DNTTIP2: variants seen among roughly 807,000 people sequenced by gnomAD.
DNTTIP2 encodes the protein deoxynucleotidyltransferase terminal interacting protein 2, also known as deoxynucleotidyltransferase terminal-interacting protein 2.
DNTTIP2 carries 47 observed loss-of-function variants against 62.4 expected under a neutral mutation model. The ratio of observed to expected loss-of-function variants is 0.75; its 90% confidence interval spans 0.60 to 0.96. The LOEUF (loss-of-function observed/expected upper bound fraction) is 0.96, where lower values mean the gene tolerates loss of function less well. DNTTIP2 is among the 40% of genes least tolerant of loss of function. The pLI, the probability that DNTTIP2 is intolerant of heterozygous loss-of-function variation, is 0.00. For missense variants in DNTTIP2, 870 were observed against 849.1 expected (o/e 1.02, Z -0.31); for synonymous variants, 322 against 300.9 (o/e 1.07, Z -0.73).
chr1:93,875,585 G>A (rs1474935804), intron 3 of DNTTIP2, 60 bp downstream of exon 3: 1 of 1,535,850 alleles, frequency 6.5e-7, no homozygotes, highest in Non-Finnish European at 8.7e-7. Context: ...TTTTACCAAG[G>A]ACTAATTTCT....
chr1:93,876,520 C>T lies in DNTTIP2; in HGVS notation c.1415G>A (p.Arg472Lys), dbSNP rs750587119. 1.4e-5 allele frequency: 22 copies of T among 1,613,968 alleles called. No individual in the cohort carries two copies. The East Asian group carries it at 4.7e-4, about 34-fold the overall frequency. Residue 472 changes from arginine (R) to lysine (K), a missense_variant, in exon 2 of 7, where the codon AGG (arginine) becomes AAG (lysine). Physicochemically the swap from Arg to Lys is conservative, Grantham distance 26. Coordinates refer to ENST00000436063, the MANE Select transcript of DNTTIP2 (RefSeq NM_014597.5). ...TLCFVENSGQ[R>K]ESLSGDTGSL... ...TCCTGTGTCTCCACTTAATGACTCC[C>T]TTTGGCCACTATTTTCAACAAAACA... is the stretch of plus-strand genomic sequence containing the variant.
chr1:93,873,187 C>G lies in DNTTIP2; in HGVS notation c.1834G>C (p.Asp612His). The G allele has an allele frequency of 6.2e-7, 1 of 1,610,472 alleles. No homozygotes were observed. The highest frequency in any genetic ancestry group is 8.5e-7 in the Non-Finnish European group (1 of 1,178,286). Residue 612 changes from aspartate (D) to histidine (H), a missense_variant, in exon 4 of 7, where the codon GAT becomes CAT. By Grantham distance (81) the Asp-to-His change is moderately conservative (BLOSUM62 -1). Transcript: ENST00000436063. ...ELLQKAVITP[D>H]FEKNHCVPPY... is the part of the protein sequence containing the mutation. ...GGAACACAGTGGTTTTTTTCAAAAT[C>G]AGGTGTAATGACGGCTTTCTGCAGA...
Position 93,879,154 on chromosome 1 carries a change from C to A in DNTTIP2, c.-6G>T. ...GCAGATCTGGTAACCACCATCTTTC[C>A]GGCTCCCTCGCGACCACCACGACTT... is the stretch of plus-strand genomic sequence containing the variant. On this transcript the variant is annotated 5_prime_UTR_variant, in exon 1 of 7. Coordinates refer to ENST00000436063, the MANE Select transcript of DNTTIP2 (RefSeq NM_014597.5). 1 of 1,612,118 alleles carries A rather than the reference C, an allele frequency of 6.2e-7. No individual in the cohort carries two copies. The highest frequency in any genetic ancestry group is 8.5e-7 in the Non-Finnish European group (1 of 1,179,444).
chr1:93,871,954 T>C, intron 5 of DNTTIP2, 118 bp downstream of exon 5: 1 of 1,140,162 alleles, frequency 8.8e-7, no homozygotes, highest in Non-Finnish European at 1.3e-6. Flanking sequence ...ATATGTTCCA[T>C]ACATTAGGCA....
In DNTTIP2 at chr1:93,866,319, G is replaced by A. The variant is rs558058167; in HGVS notation, c.*3532C>T. ...TTACATTTTAATTAGACAGATGCTT[G>A]GGGAATTGGTTAATTAGAAAGCCCT... On this transcript the variant is annotated 3_prime_UTR_variant, in exon 7 of 7. Transcript: ENST00000436063. 1.3e-5 allele frequency: 2 copies of A among 152,246 alleles called. No homozygotes were observed. Among genetic ancestry groups the A allele is most frequent in the East Asian group, 3.9e-4 (2 of 5,178 alleles). The allele number at this position is 152,246 out of a possible 1,614,324, so 9.4% of individuals were successfully genotyped here.
Position 93,877,666 on chromosome 1 carries a change from G to A in DNTTIP2, c.269C>T (p.Ala90Val). The change falls in exon 2 of 7, where the codon GCA becomes GTA. Residue 90 changes from alanine (A) to valine (V), a missense_variant. By Grantham distance (64) the Ala-to-Val change is moderately conservative. Transcript: ENST00000436063. Reference sequence around the variant, plus strand: ...CTCAGACACAGAATAATTTGACTCTGCCTCAGAGGTTTCTCCATCCGTAGA... The same window carrying A: ...CTCAGACACAGAATAATTTGACTCTACCTCAGAGGTTTCTCCATCCGTAGA... ...EPSTDGETSE[A>V]ESNYSVSEHH... The A allele has an allele frequency of 6.2e-7, 1 of 1,613,932 alleles. No individual in the cohort carries two copies. The highest frequency in any genetic ancestry group is 8.5e-7 in the Non-Finnish European group (1 of 1,179,874).
intron 3 of DNTTIP2, among the ~76,000 whole-genome samples, chr1:93,874,378 A>C (rs1464754923): frequency 6.6e-6 from 1 of 152,226 alleles, no homozygotes; most frequent in African/African-American, 2.4e-5. Context: ...TGTTTTAGGA[A>C]TATAAAGAAA....
chr1:93,876,922 C>G lies in DNTTIP2; in HGVS notation c.1013G>C (p.Arg338Thr). ...DTSLQQLVSQ[R>T]HSTPQNKNAV... is the part of the protein sequence containing the mutation. Reference sequence around the variant, plus strand: ...ATTTTTATTTTGGGGGGTTGAATGTCTCTGAGAAACTAACTGTTGAAGGCT... The same window carrying G: ...ATTTTTATTTTGGGGGGTTGAATGTGTCTGAGAAACTAACTGTTGAAGGCT... The change falls in exon 2 of 7, where the codon AGA (arginine) becomes ACA (threonine). Residue 338 changes from arginine to threonine, a missense_variant. Transcript: ENST00000436063. 6.2e-7 allele frequency: 1 copy of G among 1,613,734 alleles called. No individual in the cohort carries two copies. The highest frequency in any genetic ancestry group is 8.5e-7 in the Non-Finnish European group (1 of 1,179,838).
Position 93,866,295 on chromosome 1 carries a change from T to C in DNTTIP2, c.*3556A>G, listed in dbSNP as rs1237762743. On this transcript the variant is annotated 3_prime_UTR_variant, in exon 7 of 7. Transcript: ENST00000436063. ...TGTGACAATGAGAATAATTGCACTT[T>C]ACATTTTAATTAGACAGATGCTTGG... The C allele has an allele frequency of 2.6e-5, 4 of 152,244 alleles. No individual in the cohort carries two copies. Among genetic ancestry groups the C allele is most frequent in the Admixed American group, 2.6e-4 (4 of 15,286 alleles). The allele number at this position is 152,244 out of a possible 1,614,324, so 9.4% of individuals were successfully genotyped here. A position where few individuals can be genotyped will look rare whatever the true frequency, so the allele number is the denominator to read the frequency against.
In DNTTIP2 at chr1:93,866,538, T is replaced by G. The variant is rs1426496533; in HGVS notation, c.*3313A>C. The G allele has an allele frequency of 6.6e-6, 1 of 152,208 alleles. No individual in the cohort carries two copies. The highest frequency in any genetic ancestry group is 1.5e-5 in the Non-Finnish European group (1 of 68,044). The allele number at this position is 152,208 out of a possible 1,614,324, so 9.4% of individuals were successfully genotyped here. A position where few individuals can be genotyped will look rare whatever the true frequency, so the allele number is the denominator to read the frequency against. ...CATCTCTCAGAAATGTTAACTTTTT[T>G]TTCCCATTATGGTATTTTCTTTAAC... On this transcript the variant is annotated 3_prime_UTR_variant, in exon 7 of 7. Coordinates refer to ENST00000436063, the MANE Select transcript of DNTTIP2 (RefSeq NM_014597.5).
At position 93,876,838 on chromosome 1, in the gene DNTTIP2, G is replaced by A. The variant is rs1275155240; in HGVS notation, c.1097C>T (p.Thr366Ile). 1 of 1,613,956 alleles carries A rather than the reference G, an allele frequency of 6.2e-7. No individual in the cohort carries two copies. The highest frequency in any genetic ancestry group is 8.5e-7 in the Non-Finnish European group (1 of 1,179,884). ...TCTGCCTACTTCCACAGTTGCAAATGTTTGAGTTAATGATTTCATTACAGC... is the reference window on the plus strand; with the variant it reads ...TCTGCCTACTTCCACAGTTGCAAATATTTGAGTTAATGATTTCATTACAGC... ...SEAVMKSLTQ[T>I]FATVEVGRWN... The change falls in exon 2 of 7, where the codon ACA (threonine) becomes ATA (isoleucine). Residue 366 changes from threonine (T) to isoleucine (I), a missense_variant. Coordinates refer to ENST00000436063, the MANE Select transcript of DNTTIP2 (RefSeq NM_014597.5).
At chr1:93,870,442 A>G (rs1655829787) in intron 6 of DNTTIP2, among the ~76,000 whole-genome samples, 1 of 152,134 alleles carries the variant, frequency 6.6e-6, no homozygotes, top group Non-Finnish European at 1.5e-5. Context: ...TCATGAGTGT[A>G]GTGTTTTCCA....
In DNTTIP2 at chr1:93,870,708, G is replaced by C; in HGVS notation, c.2152C>G (p.Leu718Val). The C allele has an allele frequency of 6.4e-7, 1 of 1,562,978 alleles. No individual in the cohort carries two copies. Among genetic ancestry groups the C allele is most frequent in the Non-Finnish European group, 8.7e-7 (1 of 1,150,670 alleles). ...CTTCTGAATTCAGAATCAGCCAGCAGTTCTTCCACAATAGTTCTTTTCCTT... is the reference window on the plus strand; with the variant it reads ...CTTCTGAATTCAGAATCAGCCAGCACTTCTTCCACAATAGTTCTTTTCCTT... ...KQRKRTIVEE[L>V]LADSEFRRYN... Residue 718 changes from leucine to valine, a missense_variant, in exon 6 of 7, where the codon CTG becomes GTG. Transcript: ENST00000436063.
rs1399144683 is a variant in DNTTIP2, at chr1:93,867,316, A to T, written c.*2535T>A. 1 of 151,702 alleles carries T rather than the reference A, an allele frequency of 6.6e-6. No homozygotes were observed. The highest frequency in any genetic ancestry group is 1.5e-5 in the Non-Finnish European group (1 of 67,980). The allele number at this position is 151,702 out of a possible 1,614,324, so 9.4% of individuals were successfully genotyped here. Reference sequence around the variant, plus strand: ...CTTTTCTGGTATAAAGCCTTCAAATAGTTCCAGTTGGCTGGGCATGGTGGC... The same window carrying T: ...CTTTTCTGGTATAAAGCCTTCAAATTGTTCCAGTTGGCTGGGCATGGTGGC... On this transcript the variant is annotated 3_prime_UTR_variant, in exon 7 of 7. Coordinates refer to ENST00000436063, the MANE Select transcript of DNTTIP2 (RefSeq NM_014597.5).
rs560667642 is a variant in DNTTIP2 at position 93,868,643 on chromosome 1, T to C, written c.*1208A>G. 2 of 152,330 alleles carry C rather than the reference T, an allele frequency of 1.3e-5. No individual in the cohort carries two copies. The highest frequency in any genetic ancestry group is 4.1e-4 in the South Asian group (2 of 4,820). The allele number at this position is 152,330 out of a possible 1,614,324, so 9.4% of individuals were successfully genotyped here. A position where few individuals can be genotyped will look rare whatever the true frequency, so the allele number is the denominator to read the frequency against. ...CTGGATAAAGAAAATGTGGCACATA[T>C]ACACCATGGAATACTATGTGGCCAT... is the stretch of plus-strand genomic sequence containing the variant. On this transcript the variant is annotated 3_prime_UTR_variant, in exon 7 of 7. Transcript: ENST00000436063.
Position 93,867,113 on chromosome 1 carries a change from G to C in DNTTIP2, c.*2738C>G, listed in dbSNP as rs1655740048. ...ACCAAGATCATGCCACTACACTCCA[G>C]CCTGGGCGACAGAGCGAGAGTCCGT... On this transcript the variant is annotated 3_prime_UTR_variant, in exon 7 of 7. Transcript: ENST00000436063. 1 of 138,558 alleles carries C rather than the reference G, an allele frequency of 7.2e-6. No individual in the cohort carries two copies. Among genetic ancestry groups the C allele is most frequent in the South Asian group, 2.4e-4 (1 of 4,202 alleles). The allele number at this position is 138,558 out of a possible 1,614,324, so 8.6% of individuals were successfully genotyped here. A position where few individuals can be genotyped will look rare whatever the true frequency, so the allele number is the denominator to read the frequency against.
rs1655760689 is a variant in DNTTIP2 at position 93,867,893 on chromosome 1, A to G, written c.*1958T>C. 1.3e-5 allele frequency: 2 copies of G among 152,202 alleles called. No individual in the cohort carries two copies. The highest frequency in any genetic ancestry group is 4.8e-5 in the African/African-American group (2 of 41,542). The allele number at this position is 152,202 out of a possible 1,614,324, so 9.4% of individuals were successfully genotyped here. On this transcript the variant is annotated 3_prime_UTR_variant, in exon 7 of 7. Coordinates refer to ENST00000436063, the MANE Select transcript of DNTTIP2 (RefSeq NM_014597.5). ...TATGAATGTTATTGTCAGTTCTGCT[A>G]TTACTAGCTTTTGACTCCAAGCAGT...
At chr1:93,873,314 G>A in intron 3 of DNTTIP2, 100 bp from the exon 4 acceptor site, 1 of 852,764 alleles carries the variant, frequency 1.2e-6, no homozygotes, top group Non-Finnish European at 1.8e-6. Flanking sequence ...TAGTCAGCCT[G>A]GCAAAGTGGC....
At chr1:93,874,029 G>A (rs1020745276) in intron 3 of DNTTIP2, among the ~76,000 whole-genome samples, 4 of 152,172 alleles carry the variant, frequency 2.6e-5, no homozygotes, top group African/African-American at 9.7e-5. Context: ...TAACAGTCAG[G>A]CACACAATTC....
Sources: allele counts gnomAD v4.1 joint callset (sites outside exome capture counted in the v4.1 genomes callset), GRCh38; gene constraint gnomAD v4.1.1; transcripts MANE v1.5; gene names NCBI Gene and HGNC (gene_info 2026-07-23, HGNC 2026-07-21).